Variants in NPY2R observed in about 807,000 individuals in gnomAD.
NPY2R encodes neuropeptide Y receptor Y2, also known as neuropeptide Y receptor type 2.
In NPY2R, 17 loss-of-function variants were observed where a neutral mutation model predicts 22.3. The observed-to-expected ratio is 0.76, with a 90% CI of 0.52 to 1.14. NPY2R has a LOEUF of 1.14. Among genes scored for constraint, NPY2R ranks in the 50% most tolerant of loss-of-function variants. The pLI, the probability that NPY2R is intolerant of heterozygous loss-of-function variation, is 0.00. For missense variants in NPY2R, 424 were observed against 467.9 expected (o/e 0.91, Z 0.87); for synonymous variants, 209 against 183.4 (o/e 1.14, Z -1.13).
At chr4:155,211,446 G>C (rs2111040044) in intron 1 of NPY2R, among the ~76,000 whole-genome samples, 1 of 152,270 alleles carries the variant, frequency 6.6e-6, no homozygotes, top group East Asian at 1.9e-4. Flanking sequence ...GAAGTGGACA[G>C]TATATATTGG....
Position 155,215,540 on chromosome 4 carries a change from A to G in NPY2R, c.*455A>G, listed in dbSNP as rs1040890638. The G allele has an allele frequency of 4.4e-5, 9 of 205,766 alleles. No homozygotes were observed. The highest frequency in any genetic ancestry group is 4.3e-4 in the Admixed American group (8 of 18,620). The allele number at this position is 205,766 out of a possible 1,614,324, so 12.7% of individuals were successfully genotyped here. Reference sequence around the variant, plus strand: ...AACAGAAATTTCTCCAGGGAGCCACAGGCTCTCCTTCATCGCATTTTGATT... The same window carrying G: ...AACAGAAATTTCTCCAGGGAGCCACGGGCTCTCCTTCATCGCATTTTGATT... On this transcript the variant is annotated 3_prime_UTR_variant, in exon 2 of 2. Transcript: ENST00000329476.
At chr4:155,202,378 A>G in the NPY2R span, among the ~76,000 whole-genome samples, 1 of 152,144 alleles carries the variant, frequency 6.6e-6, no homozygotes, top group Non-Finnish European at 1.5e-5. Context: ...TGTTTAATGT[A>G]TTTCTTTATT....
rs199805893 is a variant in NPY2R, at chr4:155,214,381, C to G, written c.442C>G (p.Arg148Gly). 2.5e-6 allele frequency: 4 copies of G among 1,613,970 alleles called. No homozygotes were observed. The highest frequency in any genetic ancestry group is 3.4e-6 in the Non-Finnish European group (4 of 1,180,022). Reference sequence around the variant, plus strand: ...CACCTTGACAGTAATTGCCCTGGACCGGCACAGGTGCATCGTCTACCACCT... The same window carrying G: ...CACCTTGACAGTAATTGCCCTGGACGGGCACAGGTGCATCGTCTACCACCT... ...TITLTVIALD[R>G]HRCIVYHLES... is the part of the protein sequence containing the mutation. The change falls in exon 2 of 2, where the codon CGG becomes GGG. Residue 148 changes from arginine to glycine, a missense_variant. Coordinates refer to ENST00000329476, the MANE Select transcript of NPY2R (RefSeq NM_000910.4).
the NPY2R span, among the ~76,000 whole-genome samples, chr4:155,189,312 T>A: frequency 6.6e-6 from 1 of 152,068 alleles, no homozygotes; most frequent in Admixed American, 6.6e-5. Flanking sequence ...ACCAAAGGCA[T>A]CCTGCACTAT....
the NPY2R span, chr4:155,174,284 G>C: frequency 6.6e-6 from 1 of 151,538 alleles, no homozygotes. Flanking sequence ...GTATATACCA[G>C]GTACTGTTAT....
the NPY2R span, among the ~76,000 whole-genome samples, chr4:155,179,479 T>C: frequency 6.6e-6 from 1 of 152,202 alleles, no homozygotes; most frequent in South Asian, 2.1e-4. Context: ...GAGTAGTCAC[T>C]ACCCTTGGGT....
At chr4:155,201,197 G>A in the NPY2R span, among the ~76,000 whole-genome samples, 3 of 151,896 alleles carry the variant, frequency 2.0e-5, no homozygotes, top group Non-Finnish European at 4.4e-5. Context: ...TTTGTATATA[G>A]TGTGATCTTA....
chr4:155,207,266 A>G (rs1308576513), upstream of NPY2R: 3 of 152,114 alleles, frequency 2.0e-5, no homozygotes, highest in Non-Finnish European at 2.9e-5. Context: ...TTTAATTAAC[A>G]TCTTGGAGAA....
At chr4:155,176,454 T>C in the NPY2R span, among the ~76,000 whole-genome samples, 8 of 152,184 alleles carry the variant, frequency 5.3e-5, no homozygotes, top group East Asian at 1.9e-4. Context: ...ATAATGATCA[T>C]ACAGCCTTGT....
Position 155,216,100 on chromosome 4 carries a change from C to A in NPY2R, c.*1015C>A, listed in dbSNP as rs141658548. 2 of 166,900 alleles carry A rather than the reference C, an allele frequency of 1.2e-5. No homozygotes were observed. The highest frequency in any genetic ancestry group is 2.9e-5 in the Non-Finnish European group (2 of 68,086). The allele number at this position is 166,900 out of a possible 1,614,324, so 10.3% of individuals were successfully genotyped here. ...TATTTTCTTTGAAATTCATCCTCCA[C>A]GGACCCATTCATACTAAATAAAACA... On this transcript the variant is annotated 3_prime_UTR_variant, in exon 2 of 2. Transcript: ENST00000329476.
At chr4:155,194,648 G>A in the NPY2R span, among the ~76,000 whole-genome samples, 1 of 151,842 alleles carries the variant, frequency 6.6e-6, no homozygotes, top group Admixed American at 6.6e-5. Context: ...ACCACTGATG[G>A]GCATCTTGGT....
Position 155,214,605 on chromosome 4 carries a change from T to A in NPY2R, c.666T>A (p.Ser222=), listed in dbSNP as rs912214303. ...KSIYGTVYSL[S]SLLILYVLPL... The stretch of plus-strand genomic sequence containing the variant: ...TCTATGGCACTGTCTATAGTCTTTC[T>A]TCCTTGTTGATCTTGTATGTTTTGC... The change falls in exon 2 of 2, where the codon TCT becomes TCA. Residue 222 remains serine (S), a synonymous_variant. Transcript: ENST00000329476. 4 of 1,614,136 alleles carry A rather than the reference T, an allele frequency of 2.5e-6. No individual in the cohort carries two copies. Among genetic ancestry groups the A allele is most frequent in the Non-Finnish European group, 1.7e-6 (2 of 1,180,036 alleles).
chr4:155,178,519 T>G, the NPY2R span, among the ~76,000 whole-genome samples: 1 of 152,222 alleles, frequency 6.6e-6, no homozygotes, highest in African/African-American at 2.4e-5. Context: ...AATTTGTTGA[T>G]ACTGCTGTTT....
chr4:155,185,458 T>C, the NPY2R span, among the ~76,000 whole-genome samples: 1 of 152,158 alleles, frequency 6.6e-6, no homozygotes, highest in Non-Finnish European at 1.5e-5. Flanking sequence ...CCCTGAAAAA[T>C]TTATAGTAGC....
chr4:155,192,522 T>G, the NPY2R span, among the ~76,000 whole-genome samples: 1 of 151,802 alleles, frequency 6.6e-6, no homozygotes, highest in Non-Finnish European at 1.5e-5. Flanking sequence ...CAAAAAAGAG[T>G]CCATTTCAGT....
chr4:155,193,834 G>A, the NPY2R span, among the ~76,000 whole-genome samples: 1 of 151,920 alleles, frequency 6.6e-6, no homozygotes, highest in Non-Finnish European at 1.5e-5. Context: ...ATGATACAGT[G>A]GTGGATGAAA....
the NPY2R span, among the ~76,000 whole-genome samples, chr4:155,174,477 TA>T: frequency 1.1e-5 from 1 of 89,348 alleles, no homozygotes; most frequent in African/African-American, 5.7e-5. Flanking sequence ...TATATATATA[TA>T]TATATATTTT....
chr4:155,213,967 G>A lies in NPY2R; in HGVS notation c.28G>A (p.Glu10Lys). The A allele has an allele frequency of 2.5e-6, 4 of 1,614,086 alleles. No homozygotes were observed. Among genetic ancestry groups the A allele is most frequent in the Non-Finnish European group, 3.4e-6 (4 of 1,180,032 alleles). Residue 10 changes from glutamate (E) to lysine (K), a missense_variant, in exon 2 of 2, where the codon GAG becomes AAG. By Grantham distance (56) the Glu-to-Lys change is moderately conservative. Transcript: ENST00000329476. The part of the protein sequence containing the change: MGPIGAEAD[E>K]NQTVEEMKVE... Reference sequence around the variant, plus strand: ...GGGTCCAATAGGTGCAGAGGCTGATGAGAACCAGACAGTGGAAGAAATGAA... The same window carrying A: ...GGGTCCAATAGGTGCAGAGGCTGATAAGAACCAGACAGTGGAAGAAATGAA...
At chr4:155,181,944 A>G in the NPY2R span, among the ~76,000 whole-genome samples, 6 of 152,282 alleles carry the variant, frequency 3.9e-5, no homozygotes, top group South Asian at 6.2e-4. Flanking sequence ...TCTGAATTCA[A>G]TGGGGATGAT....
Sources: gnomAD v4.1 joint callset for allele counts (sites outside exome capture counted in the v4.1 genomes callset) on GRCh38, gnomAD v4.1.1 for gene constraint, MANE v1.5 for transcripts, NCBI Gene and HGNC (gene_info 2026-07-23, HGNC 2026-07-21) for gene names.